KCNT2: variants seen among roughly 807,000 people sequenced by gnomAD.
KCNT2 encodes potassium sodium-activated channel subfamily T member 2, also known as potassium channel subfamily T member 2.
Under a neutral mutation model 153.8 loss-of-function variants are expected in KCNT2, and 67 were observed. That is an observed-to-expected ratio of 0.44 (90% confidence interval 0.36 to 0.53). The LOEUF (loss-of-function observed/expected upper bound fraction) is 0.53. Ranked by LOEUF, KCNT2 falls within the 20% of genes least tolerant of loss-of-function variation. The pLI is 0.00. For synonymous variants in KCNT2, 500 were observed against 458.8 expected (o/e 1.09, Z -1.15); for missense variants, 975 against 1,354.8 (o/e 0.72, Z 4.40).
At chr1:196,469,634 T>C (rs1362365456) in intron 5 of KCNT2, among the ~76,000 whole-genome samples, 3 of 152,106 alleles carry the variant, frequency 2.0e-5, no homozygotes, top group East Asian at 3.9e-4. Flanking sequence ...ATGAAAAATA[T>C]GAGGCCTCCT....
intron 14 of KCNT2, among the ~76,000 whole-genome samples, chr1:196,343,628 A>T (rs1272564057): frequency 6.6e-6 from 1 of 152,162 alleles, no homozygotes; most frequent in Non-Finnish European, 1.5e-5. Flanking sequence ...GCTTTAAAAA[A>T]TATCTATATT....
chr1:196,345,743 G>A (rs1666085283), intron 14 of KCNT2, among the ~76,000 whole-genome samples: 1 of 152,086 alleles, frequency 6.6e-6, no homozygotes, highest in Non-Finnish European at 1.5e-5. Flanking sequence ...TGTTCTGAAG[G>A]CAGACTTCGA....
At chr1:196,233,254 C>T (rs1462471524) in intron 27 of KCNT2, among the ~76,000 whole-genome samples, 1 of 151,426 alleles carries the variant, frequency 6.6e-6, no homozygotes, top group African/African-American at 2.4e-5. Flanking sequence ...TGTTATTCAT[C>T]TGTTTCCCCA....
chr1:196,287,727 C>T (rs1201722543), intron 22 of KCNT2, among the ~76,000 whole-genome samples: 1 of 152,016 alleles, frequency 6.6e-6, no homozygotes, highest in Non-Finnish European at 1.5e-5. Flanking sequence ...TGAGAACGTA[C>T]TTTGTGTAGG....
chr1:196,269,468 A>C (rs1396407694), intron 25 of KCNT2, among the ~76,000 whole-genome samples: 1 of 152,086 alleles, frequency 6.6e-6, no homozygotes, highest in African/African-American at 2.4e-5. Context: ...GTTTAGAGGT[A>C]AGCTCCCAAT....
intron 14 of KCNT2, among the ~76,000 whole-genome samples, chr1:196,356,659 AT>A (rs1000280841): frequency 1.3e-5 from 2 of 151,750 alleles, no homozygotes; most frequent in African/African-American, 4.8e-5. Flanking sequence ...ACAGAAAAGA[AT>A]TTTTTCACAG....
rs1036852087 is a variant in KCNT2, at chr1:196,456,875, C to T, written c.638+8418G>A. On this transcript the variant is annotated intron_variant, in intron 8 of 27. Transcript: ENST00000294725. ...ACCTAAAAGCCCTGGAGACAGTAGG[C>T]ATGATATAGTTAAACCAAAGAATAC... 2.0e-5 allele frequency among the ~76,000 whole-genome samples: 3 copies of T among 151,908 alleles called. No individual in the cohort carries two copies. The South Asian group carries it at 6.2e-4, about 31-fold the overall frequency.
At chr1:196,301,628 T>C (rs911614325) in intron 22 of KCNT2, among the ~76,000 whole-genome samples, 1 of 152,186 alleles carries the variant, frequency 6.6e-6, no homozygotes, top group African/African-American at 2.4e-5. Context: ...CAGTTTAACA[T>C]TCCACACCTA....
At chr1:196,512,199 AT>A (rs1681689830) in intron 1 of KCNT2, among the ~76,000 whole-genome samples, 2 of 152,090 alleles carry the variant, frequency 1.3e-5, no homozygotes, top group South Asian at 2.1e-4. Flanking sequence ...CATTTTCTTG[AT>A]TTTCTTCCTA....
Position 196,445,572 on chromosome 1 carries a change from C to A in KCNT2, c.639-15815G>T, listed in dbSNP as rs1675617190. ...TGTAACTACTTATTTGAATTCAATTCTTAAAGTGTAATATTAAAATATCAT... is the reference window on the plus strand; with the variant it reads ...TGTAACTACTTATTTGAATTCAATTATTAAAGTGTAATATTAAAATATCAT... On this transcript the variant is annotated intron_variant, in intron 8 of 27. Transcript: ENST00000294725. Among the ~76,000 whole-genome samples the A allele has an allele frequency of 2.0e-5, 3 of 151,362 alleles. No individual in the cohort carries two copies. The South Asian group carries it at 6.2e-4, about 31-fold the overall frequency.
chr1:196,386,102 T>A (rs1054022142), intron 13 of KCNT2, among the ~76,000 whole-genome samples: 1 of 152,086 alleles, frequency 6.6e-6, no homozygotes, highest in Non-Finnish European at 1.5e-5. Context: ...AAGGTCCACA[T>A]GTAAGAAACC....
intron 14 of KCNT2, among the ~76,000 whole-genome samples, chr1:196,354,632 A>G (rs975784014): frequency 6.6e-6 from 1 of 151,814 alleles, no homozygotes; most frequent in Non-Finnish European, 1.5e-5. Context: ...AATGAGTTAA[A>G]TATAAATTTC....
chr1:196,412,158 G>C (rs1672391841), intron 12 of KCNT2, among the ~76,000 whole-genome samples: 1 of 151,634 alleles, frequency 6.6e-6, no homozygotes, highest in Admixed American at 6.6e-5. Flanking sequence ...TACAATGCCT[G>C]CCTTTCCTAA....
chr1:196,328,633 GAA>G (rs200329840), intron 18 of KCNT2, among the ~76,000 whole-genome samples: 33 of 118,470 alleles, frequency 2.8e-4, no homozygotes, highest in Non-Finnish European at 3.3e-4. Context: ...AGTGCTAAAA[GAA>G]AAAAAAAAAA....
intron 22 of KCNT2, among the ~76,000 whole-genome samples, chr1:196,299,572 T>C (rs571977253): frequency 6.6e-6 from 1 of 152,180 alleles, no homozygotes; most frequent in Non-Finnish European, 1.5e-5. Flanking sequence ...GAATGCCTAT[T>C]ATCAAAGTAT....
chr1:196,302,345 A>T (rs16839758), intron 22 of KCNT2, among the ~76,000 whole-genome samples: 7,408 of 152,226 alleles, frequency 0.049, 282 homozygotes, highest in Non-Finnish European at 0.071. Flanking sequence ...CTTGATTGGA[A>T]GATTTACCAT....
intron 1 of KCNT2, among the ~76,000 whole-genome samples, chr1:196,494,578 C>A (rs934374039): frequency 5.3e-5 from 8 of 152,020 alleles, no homozygotes; most frequent in African/African-American, 1.9e-4. Context: ...AGGATGGTCT[C>A]AATTTCCTGA....
intron 1 of KCNT2, among the ~76,000 whole-genome samples, chr1:196,495,730 C>G (rs1680200452): frequency 6.6e-6 from 1 of 152,110 alleles, no homozygotes; most frequent in Admixed American, 6.6e-5. Flanking sequence ...TCATTTTTGT[C>G]AAAGGCTTAT....
chr1:196,572,763 G>C (rs1295111060), intron 1 of KCNT2, among the ~76,000 whole-genome samples: 1 of 152,116 alleles, frequency 6.6e-6, no homozygotes, highest in Non-Finnish European at 1.5e-5. Context: ...GAGGAACTTT[G>C]TAGAATGAAT....
Sources: gnomAD v4.1 joint callset for allele counts (sites outside exome capture counted in the v4.1 genomes callset) on GRCh38, gnomAD v4.1.1 for gene constraint, MANE v1.5 for transcripts, NCBI Gene and HGNC (gene_info 2026-07-23, HGNC 2026-07-21) for gene names.